Variants in MYH15 observed in about 807,000 individuals in gnomAD.
MYH15 encodes myosin heavy chain 15.
A neutral mutation model predicts 240.5 loss-of-function variants in MYH15; 227 were observed. The observed-to-expected ratio is 0.94, with a 90% CI of 0.85 to 1.05. The LOEUF (loss-of-function observed/expected upper bound fraction) is 1.05, where lower values mean the gene tolerates loss of function less well. Among genes scored for constraint, MYH15 ranks in the 50% least tolerant of loss-of-function variants. The probability of loss-of-function intolerance (pLI) is 0.00; values close to 1 mark genes in which losing one functional copy is unlikely to be tolerated. For missense variants in MYH15, 2,217 were observed against 2,247.5 expected (o/e 0.99, Z 0.27); for synonymous variants, 785 against 796.7 (o/e 0.99, Z 0.25).
At chr3:108,444,610 A>T in intron 22 of MYH15, 30 bp downstream of exon 22, 1 of 1,607,024 alleles carries the variant, frequency 6.2e-7, no homozygotes, top group Non-Finnish European at 8.5e-7. Context: ...TAAAAACTTG[A>T]TTTAAAGAAC....
chr3:108,533,118 CTTT>C (rs10561890), upstream of MYH15, among the ~76,000 whole-genome samples: 1,095 of 97,654 alleles, frequency 0.011, 22 homozygotes, highest in African/African-American at 0.039. Context: ...ACAATAAAAG[CTTT>C]TTTTTTTTTT....
chr3:108,485,015 T>G, intron 11 of MYH15, 76 bp downstream of exon 11: 1 of 1,469,974 alleles, frequency 6.8e-7, no homozygotes, highest in Non-Finnish European at 9.2e-7. Context: ...GAGATGAAGT[T>G]AACTGCAAGG....
At chr3:108,428,368 A>T in intron 27 of MYH15, 124 bp downstream of exon 27, 1 of 1,170,378 alleles carries the variant, frequency 8.5e-7, no homozygotes, top group Non-Finnish European at 1.2e-6. Context: ...AAAGGACTAT[A>T]GTCTTCATTA....
chr3:108,453,130 A>T (rs1156710024), intron 21 of MYH15, among the ~76,000 whole-genome samples: 1 of 152,196 alleles, frequency 6.6e-6, no homozygotes, highest in Non-Finnish European at 1.5e-5. Flanking sequence ...GACATGAAGA[A>T]AGTAAACTAT....
At chr3:108,451,594 C>T (rs571532670) in intron 21 of MYH15, among the ~76,000 whole-genome samples, 86 of 152,030 alleles carry the variant, frequency 5.7e-4, no homozygotes, top group Non-Finnish European at 1.0e-3. Context: ...GCAATGTCTA[C>T]CAAAGATTCA....
At chr3:108,392,106 G>T (rs2082427007) in intron 36 of MYH15, among the ~76,000 whole-genome samples, 176 bp from the exon 37 acceptor site, 1 of 152,148 alleles carries the variant, frequency 6.6e-6, no homozygotes, top group Non-Finnish European at 1.5e-5. Context: ...TAACAGTAAG[G>T]CAATAGAGAC....
intron 11 of MYH15, among the ~76,000 whole-genome samples, chr3:108,480,399 G>A (rs2083257493): frequency 6.6e-6 from 1 of 152,160 alleles, no homozygotes; most frequent in Non-Finnish European, 1.5e-5. Context: ...GAGAAACTGA[G>A]AAAAGCGGGT....
At chr3:108,439,486 A>G (rs2082867876) in intron 24 of MYH15, among the ~76,000 whole-genome samples, 1 of 152,178 alleles carries the variant, frequency 6.6e-6, no homozygotes, top group Non-Finnish European at 1.5e-5. Flanking sequence ...ATTCATCTTA[A>G]TGTTCTTTTT....
chr3:108,447,913 TAATAGATATAC>T, intron 21 of MYH15, among the ~76,000 whole-genome samples: 1 of 152,206 alleles, frequency 6.6e-6, no homozygotes, highest in East Asian at 1.9e-4. Flanking sequence ...AATAACTGAT[TAATAGATATAC>T]AATACTAAAA....
At chr3:108,488,019 T>C (rs78134103) in intron 9 of MYH15, among the ~76,000 whole-genome samples, 298 of 152,304 alleles carry the variant, frequency 2.0e-3, no homozygotes, top group African/African-American at 6.7e-3. Flanking sequence ...ATGTATACAT[T>C]GTGGAATGGC....
intron 37 of MYH15, among the ~76,000 whole-genome samples, chr3:108,391,108 C>T (rs1248467127): frequency 1.3e-5 from 2 of 152,170 alleles, no homozygotes; most frequent in African/African-American, 2.4e-5. Context: ...CATAAACATG[C>T]AAAGGTGATA....
At chr3:108,447,491 A>G (rs2082938179) in intron 21 of MYH15, among the ~76,000 whole-genome samples, 1 of 152,124 alleles carries the variant, frequency 6.6e-6, no homozygotes. Context: ...GTCACATATA[A>G]TGAAACCCTC....
At chr3:108,463,009 C>A in intron 16 of MYH15, 102 bp downstream of exon 16, 1 of 1,344,744 alleles carries the variant, frequency 7.4e-7, no homozygotes, top group African/African-American at 1.5e-5. Context: ...CCACAGGGAG[C>A]AGAAACATAT....
chr3:108,492,028 G>GCCAGGAGCTTGAGA (rs1242342850), intron 9 of MYH15, among the ~76,000 whole-genome samples: 1 of 151,876 alleles, frequency 6.6e-6, no homozygotes, highest in Non-Finnish European at 1.5e-5. Flanking sequence ...ATTTCTTGAG[G>GCCAGGAGCTTGAGA]CCAGGAGCTT....
chr3:108,495,981 T>C (rs2083386566), intron 6 of MYH15, 109 bp from the exon 7 acceptor site: 3 of 721,170 alleles, frequency 4.2e-6, no homozygotes, highest in African/African-American at 1.8e-5. Context: ...TGATAACCAA[T>C]GGCCAAAAGC....
the MYH15 span, among the ~76,000 whole-genome samples, chr3:108,547,106 G>A: frequency 6.6e-6 from 1 of 151,870 alleles, no homozygotes; most frequent in South Asian, 2.1e-4. Context: ...TGTCTGAGGT[G>A]TAGCGGTGCA....
chr3:108,512,041 T>G (rs1304004087), upstream of MYH15, among the ~76,000 whole-genome samples: 1 of 152,142 alleles, frequency 6.6e-6, no homozygotes, highest in Non-Finnish European at 1.5e-5. Context: ...CTAGTCTTAA[T>G]GTATAGGAAC....
rs774083225 is a variant in MYH15, at chr3:108,439,918, G to A, written c.2899-5C>T. ...TTCCTCAGTCAAGTTCTTGACCTGT[G>A]GGAAGAAGATGACAGCTTCATTAAA... On this transcript the variant is annotated splice_polypyrimidine_tract_variant and splice_region_variant and intron_variant, in intron 23 of 40. Transcript: ENST00000693548. 5 of 1,565,552 alleles carry A rather than the reference G, an allele frequency of 3.2e-6. No homozygotes were observed. The East Asian group carries it at 6.9e-5, about 21-fold the overall frequency.
chr3:108,532,136 ATGT>A (rs2083715600), upstream of MYH15, among the ~76,000 whole-genome samples: 2 of 152,224 alleles, frequency 1.3e-5, no homozygotes, highest in Admixed American at 1.3e-4. Context: ...AAGATCCTAA[ATGT>A]TGTCATCTGT....
Sources: gnomAD v4.1 joint callset for allele counts (sites outside exome capture counted in the v4.1 genomes callset) on GRCh38, gnomAD v4.1.1 for gene constraint, MANE v1.5 for transcripts, NCBI Gene and HGNC (gene_info 2026-07-23, HGNC 2026-07-21) for gene names.